Variants in NCAPG2 observed in about 807,000 individuals in gnomAD.
The protein encoded by NCAPG2 is non-SMC condensin II complex subunit G2.
Under a neutral mutation model 141.1 loss-of-function variants are expected in NCAPG2, and 53 were observed. The ratio of observed to expected loss-of-function variants is 0.38; its 90% CI spans 0.30 to 0.47. The LOEUF (loss-of-function observed/expected upper bound fraction) is 0.47, where lower values mean the gene tolerates loss of function less well. Ranked by LOEUF, NCAPG2 falls within the 20% of genes least tolerant of loss-of-function variation. The probability of loss-of-function intolerance (pLI) is 0.99; values close to 1 mark genes in which losing one functional copy is unlikely to be tolerated. For synonymous variants in NCAPG2, 499 were observed against 490.7 expected (o/e 1.02, Z -0.22); for missense variants, 1,087 against 1,389.0 (o/e 0.78, Z 3.46).
chr7:158,663,745 T>C (rs1832710874), intron 15 of NCAPG2, among the ~76,000 whole-genome samples: 1 of 152,276 alleles, frequency 6.6e-6, no homozygotes, highest in Non-Finnish European at 1.5e-5. Context: ...AAGCTTAAGA[T>C]AATGCTTATA....
At position 158,693,457 on chromosome 7, in the gene NCAPG2, T is replaced by C; in HGVS notation, c.119A>G (p.Asp40Gly). The change falls in exon 3 of 28, where the codon GAT becomes GGT. Residue 40 changes from aspartate (D) to glycine (G), a missense_variant. Physicochemically the swap from Asp to Gly is moderately conservative, Grantham distance 94. Coordinates refer to ENST00000356309, the MANE Select transcript of NCAPG2 (RefSeq NM_017760.7). ...TTCTTTCTGTTTCCTTGATAATTCA[T>C]CTAGTAATTCATTTAGGCTGAAAGG... ...SDPFSLNELLDELSRKQKEEL... is the reference protein window; with the variant it reads ...SDPFSLNELLGELSRKQKEEL... 10 of 1,614,044 alleles carry C rather than the reference T, an allele frequency of 6.2e-6. No individual in the cohort carries two copies. The highest frequency in any genetic ancestry group is 1.3e-5 in the African/African-American group (1 of 75,062).
At chr7:158,656,236 T>C (rs1831962763) in intron 19 of NCAPG2, 24 bp downstream of exon 19, 7 of 1,609,390 alleles carry the variant, frequency 4.3e-6, no homozygotes, top group Non-Finnish European at 5.9e-6. Flanking sequence ...AGGAAACCAC[T>C]CAACTCTCAG....
chr7:158,648,817 C>CACAACCACGCCAAATGGACT (rs1563504903), intron 24 of NCAPG2, among the ~76,000 whole-genome samples: 9,845 of 20,164 alleles, frequency 0.49, 3,857 homozygotes, highest in Middle Eastern at 0.56. Context: ...CCAAATGGAC[C>CACAACCACGCCAAATGGACT]ACAACCACGC....
Position 158,679,959 on chromosome 7 carries a change from C to G in NCAPG2, c.1146+1G>C. ...GAAGCTTGACCACCTGAAGTACGTA[C>G]ATAGAGCTCTTCAAACTGTTTCTGG... On this transcript the variant is annotated splice_donor_variant, in intron 11 of 27. Coordinates refer to ENST00000356309, the MANE Select transcript of NCAPG2 (RefSeq NM_017760.7). LOFTEE classifies it high-confidence loss of function. The G allele has an allele frequency of 6.2e-7, 1 of 1,614,002 alleles. No homozygotes were observed. The highest frequency in any genetic ancestry group is 8.5e-7 in the Non-Finnish European group (1 of 1,179,940).
rs558679176 is a variant in NCAPG2, at chr7:158,667,225, C to T, written c.1480-2475G>A. On this transcript the variant is annotated intron_variant, in intron 13 of 27. Transcript: ENST00000356309. Reference sequence around the variant, plus strand: ...GCAAACGTTCTGCCTTCTTCCTCTGCTCTGGCGCCCAAACTTCCTGGTGGG... The same window carrying T: ...GCAAACGTTCTGCCTTCTTCCTCTGTTCTGGCGCCCAAACTTCCTGGTGGG... 37 of 985,602 alleles carry T rather than the reference C, an allele frequency of 3.8e-5. No homozygotes were observed. The African/African-American group carries it at 6.3e-4, about 17-fold the overall frequency. 61.1% of individuals were successfully genotyped at this position (985,602 alleles called of 1,614,324 possible). A position where few individuals can be genotyped will look rare whatever the true frequency, so the allele number is the denominator to read the frequency against.
intron 27 of NCAPG2, among the ~76,000 whole-genome samples, chr7:158,637,084 A>G (rs955900154): frequency 7.9e-5 from 12 of 151,966 alleles, no homozygotes; most frequent in Non-Finnish European, 1.5e-4. Flanking sequence ...AGCAGCTGGG[A>G]CTACAGGCGC....
At chr7:158,649,487 C>A (rs1831315355) in intron 24 of NCAPG2, among the ~76,000 whole-genome samples, 2 of 152,136 alleles carry the variant, frequency 1.3e-5, no homozygotes, top group South Asian at 4.1e-4. Flanking sequence ...TGATAAAAAA[C>A]AGATGGTGAG....
intron 15 of NCAPG2, among the ~76,000 whole-genome samples, 177 bp from the exon 16 acceptor site, chr7:158,662,544 A>T (rs943842544): frequency 6.6e-6 from 1 of 152,228 alleles, no homozygotes; most frequent in Non-Finnish European, 1.5e-5. Context: ...TTAAATGCCC[A>T]CCACGATATA....
chr7:158,658,264 C>A, intron 17 of NCAPG2, 74 bp downstream of exon 17: 1 of 1,361,554 alleles, frequency 7.3e-7, no homozygotes, highest in Non-Finnish European at 1.0e-6. Flanking sequence ...GGTCTGCTGA[C>A]ATGAATTAAT....
intron 3 of NCAPG2, 118 bp downstream of exon 3, chr7:158,693,183 CTTCTAAAA>C: frequency 9.3e-7 from 1 of 1,071,486 alleles, no homozygotes; most frequent in Non-Finnish European, 1.3e-6. Flanking sequence ...ACAGACTAAA[CTTCTAAAA>C]TTCTTGACTT....
intron 27 of NCAPG2, among the ~76,000 whole-genome samples, chr7:158,643,912 G>A: frequency 6.6e-6 from 1 of 152,220 alleles, no homozygotes; most frequent in East Asian, 1.9e-4. Context: ...CAGAGGCTCT[G>A]GAGGGACCGC....
intron 11 of NCAPG2, among the ~76,000 whole-genome samples, chr7:158,676,992 C>G (rs1834089496): frequency 6.6e-6 from 1 of 152,100 alleles, no homozygotes; most frequent in Non-Finnish European, 1.5e-5. Context: ...GCTGTGACCT[C>G]AGAGAGCTCA....
chr7:158,686,606 C>T (rs1031710123), intron 7 of NCAPG2, among the ~76,000 whole-genome samples: 15 of 152,274 alleles, frequency 9.9e-5, no homozygotes, highest in African/African-American at 3.6e-4. Context: ...CTACCAATTC[C>T]TGAGGTACAA....
chr7:158,694,623 A>G (rs533434269), intron 2 of NCAPG2, among the ~76,000 whole-genome samples: 4 of 152,304 alleles, frequency 2.6e-5, no homozygotes, highest in African/African-American at 9.6e-5. Flanking sequence ...ATTGAAGGCT[A>G]TACCACAAAA....
At chr7:158,687,150 C>A (rs547705895) in intron 7 of NCAPG2, among the ~76,000 whole-genome samples, 198 bp downstream of exon 7, 1 of 152,200 alleles carries the variant, frequency 6.6e-6, no homozygotes, top group Non-Finnish European at 1.5e-5. Context: ...AAATTAAAAC[C>A]TTAATTTCAG....
intron 6 of NCAPG2, among the ~76,000 whole-genome samples, chr7:158,689,128 T>C (rs1834968127): frequency 6.6e-6 from 1 of 152,196 alleles, no homozygotes; most frequent in Non-Finnish European, 1.5e-5. Context: ...TCTCAATTCT[T>C]TAGTAGTCAT....
intron 13 of NCAPG2, 44 bp downstream of exon 13, chr7:158,671,470 G>A (rs748270400): frequency 6.2e-7 from 1 of 1,605,680 alleles, no homozygotes; most frequent in South Asian, 1.1e-5. Flanking sequence ...ATGAACACAT[G>A]TCCCTATTTC....
chr7:158,685,629 T>C (rs951212718), intron 8 of NCAPG2, among the ~76,000 whole-genome samples: 5 of 152,202 alleles, frequency 3.3e-5, no homozygotes, highest in Non-Finnish European at 5.9e-5. Flanking sequence ...TGTGACACTA[T>C]ATGTGTAGGG....
intron 15 of NCAPG2, 61 bp from the exon 16 acceptor site, chr7:158,662,428 A>G: frequency 7.0e-7 from 1 of 1,418,782 alleles, no homozygotes; most frequent in Non-Finnish European, 9.4e-7. Flanking sequence ...AAAAGGTAAC[A>G]GCATCTCAGA....
Sources: gnomAD v4.1 joint callset for allele counts (sites outside exome capture counted in the v4.1 genomes callset) on GRCh38, gnomAD v4.1.1 for gene constraint, MANE v1.5 for transcripts, NCBI Gene and HGNC (gene_info 2026-07-23, HGNC 2026-07-21) for gene names.